The following GRM8 variants were observed in gnomAD, a reference collection of about 807,000 sequenced individuals.
The protein encoded by GRM8 is metabotropic glutamate receptor 8.
In GRM8, 47 loss-of-function variants were observed where a neutral mutation model predicts 87.2. The observed-to-expected ratio is 0.54, with a 90% CI of 0.43 to 0.69. The LOEUF is 0.69. GRM8 is among the 30% of genes least tolerant of loss of function. The pLI, the probability that GRM8 is intolerant of heterozygous loss-of-function variation, is 0.00. For synonymous variants in GRM8, 396 were observed against 404.5 expected, an observed-to-expected ratio of 0.98 and a Z score of 0.25; for missense variants, 1,019 against 1,139.2, an observed-to-expected ratio of 0.89 and a Z score of 1.52.
chr7:126,784,227 T>C (rs1041086694), intron 6 of GRM8, among the ~76,000 whole-genome samples: 2 of 152,152 alleles, frequency 1.3e-5, no homozygotes, highest in Non-Finnish European at 1.5e-5. Context: ...CATGACCTAT[T>C]AAATCTCTCA....
chr7:127,136,715 C>T (rs982293063), intron 2 of GRM8, among the ~76,000 whole-genome samples: 3 of 151,832 alleles, frequency 2.0e-5, no homozygotes, highest in African/African-American at 4.8e-5. Context: ...AGGCAATAGA[C>T]GTCTCTACAA....
intron 8 of GRM8, among the ~76,000 whole-genome samples, chr7:126,605,587 C>T (rs886472519): frequency 6.6e-6 from 1 of 152,096 alleles, no homozygotes; most frequent in East Asian, 1.9e-4. Flanking sequence ...TAACCATATA[C>T]CCTCTTTGTA....
chr7:127,126,929 C>T (rs1236230070), intron 2 of GRM8, among the ~76,000 whole-genome samples: 1 of 151,642 alleles, frequency 6.6e-6, no homozygotes, highest in Non-Finnish European at 1.5e-5. Flanking sequence ...AAAACTTGAA[C>T]AGAAATTCAG....
intron 9 of GRM8, among the ~76,000 whole-genome samples, chr7:126,516,825 C>A (rs1584909304): frequency 6.6e-6 from 1 of 151,946 alleles, no homozygotes; most frequent in African/African-American, 2.4e-5. Context: ...TTAATTTCAA[C>A]TATGGTTGTT....
At chr7:126,468,626 T>C (rs1244105111) in intron 9 of GRM8, among the ~76,000 whole-genome samples, 1 of 152,102 alleles carries the variant, frequency 6.6e-6, no homozygotes, top group African/African-American at 2.4e-5. Context: ...AGCATTGCTT[T>C]GAAAAATTCT....
rs376652868 is a variant in GRM8 at position 126,457,299 on chromosome 7, G to A, written c.2431-10927C>T. ...ATATATAAAACATGATACAAAATTT[G>A]AATAAACATGAATCTTAAGTCCTAG... is the stretch of plus-strand genomic sequence containing the variant. On this transcript the variant is annotated intron_variant, in intron 9 of 10. Coordinates refer to ENST00000339582, the MANE Select transcript of GRM8 (RefSeq NM_000845.3). 6.0e-4 allele frequency among the ~76,000 whole-genome samples: 91 copies of A among 151,358 alleles called. 1 individual carries two copies. Among genetic ancestry groups the A allele is most frequent in the African/African-American group, 2.1e-3 (86 of 41,408 alleles).
chr7:127,042,179 A>C (rs1818487862), intron 3 of GRM8, among the ~76,000 whole-genome samples: 1 of 152,136 alleles, frequency 6.6e-6, no homozygotes, highest in Admixed American at 6.5e-5. Flanking sequence ...CAAAGATTCC[A>C]TTTTCAGTCT....
At chr7:127,241,727 A>G (rs1012140137) in intron 2 of GRM8, among the ~76,000 whole-genome samples, 1 of 152,144 alleles carries the variant, frequency 6.6e-6, no homozygotes, top group Non-Finnish European at 1.5e-5. Context: ...GAGCCACTGC[A>G]CCCAGCCAGG....
At chr7:126,677,118 C>A (rs1406137582) in intron 7 of GRM8, among the ~76,000 whole-genome samples, 1 of 152,034 alleles carries the variant, frequency 6.6e-6, no homozygotes, top group Non-Finnish European at 1.5e-5. Flanking sequence ...CATCACTAAT[C>A]ATCAGGGAAA....
chr7:126,527,627 T>C (rs1814067062), intron 9 of GRM8, among the ~76,000 whole-genome samples: 2 of 152,252 alleles, frequency 1.3e-5, no homozygotes, highest in South Asian at 4.1e-4. Context: ...TTTTCTCATC[T>C]GGACTATTCC....
intron 7 of GRM8, among the ~76,000 whole-genome samples, chr7:126,674,726 G>C (rs992032195): frequency 6.6e-6 from 1 of 152,106 alleles, no homozygotes; most frequent in Admixed American, 6.5e-5. Flanking sequence ...AACAAGGCAG[G>C]CTGCTGGCCA....
At chr7:127,145,285 T>C (rs1563541151) in intron 2 of GRM8, among the ~76,000 whole-genome samples, 1 of 152,140 alleles carries the variant, frequency 6.6e-6, no homozygotes, top group African/African-American at 2.4e-5. Context: ...ATAGTCATAA[T>C]GTCATTCGCA....
intron 8 of GRM8, among the ~76,000 whole-genome samples, chr7:126,567,271 G>T (rs913098069): frequency 3.9e-5 from 6 of 151,970 alleles, no homozygotes; most frequent in African/African-American, 1.2e-4. Flanking sequence ...CATAGATGAA[G>T]CTGGAAACCA....
At chr7:126,828,786 G>T (rs538120532) in intron 6 of GRM8, among the ~76,000 whole-genome samples, 1 of 152,034 alleles carries the variant, frequency 6.6e-6, no homozygotes, top group African/African-American at 2.4e-5. Context: ...TCTTTTAATT[G>T]TGATGTTAGG....
At chr7:126,573,756 T>C (rs1466454683) in intron 8 of GRM8, among the ~76,000 whole-genome samples, 3 of 152,088 alleles carry the variant, frequency 2.0e-5, no homozygotes, top group African/African-American at 7.2e-5. Flanking sequence ...TGGCTAATTT[T>C]TGAATTTTTA....
chr7:127,045,720 AGCTACCTCTTCTGTTCT>A (rs1818863486), intron 3 of GRM8, among the ~76,000 whole-genome samples: 1 of 152,140 alleles, frequency 6.6e-6, no homozygotes, highest in Non-Finnish European at 1.5e-5. Context: ...TAACTTCTCA[AGCTACCTCTTCTGTTCT>A]CTCTATTTGT....
chr7:126,919,546 T>C (rs542534692), intron 3 of GRM8, among the ~76,000 whole-genome samples: 1 of 152,142 alleles, frequency 6.6e-6, no homozygotes, highest in East Asian at 1.9e-4. Context: ...ATTGGAGCCT[T>C]GGTCAGGTGC....
chr7:126,858,852 T>C (rs937989621), intron 6 of GRM8, among the ~76,000 whole-genome samples: 4 of 152,226 alleles, frequency 2.6e-5, no homozygotes, highest in African/African-American at 9.6e-5. Context: ...AAATTTGTTG[T>C]AATTTTGTCT....
intron 3 of GRM8, among the ~76,000 whole-genome samples, chr7:126,988,197 T>C (rs772832575): frequency 1.4e-4 from 21 of 152,198 alleles, no homozygotes; most frequent in South Asian, 1.2e-3. Context: ...AATTGCCAGC[T>C]AGCACATCAC....
Sources: gnomAD v4.1 joint callset for allele counts (sites outside exome capture counted in the v4.1 genomes callset) on GRCh38, gnomAD v4.1.1 for gene constraint, MANE v1.5 for transcripts, NCBI Gene and HGNC (gene_info 2026-07-23, HGNC 2026-07-21) for gene names.